The following COL23A1 variants were observed in gnomAD, a reference collection of about 807,000 sequenced individuals.
The protein encoded by COL23A1 is collagen alpha-1(XXIII) chain.
COL23A1 carries 97 observed loss-of-function variants against 99.3 expected under a neutral mutation model. The observed-to-expected ratio is 0.98, with a 90% confidence interval of 0.83 to 1.16. The LOEUF (loss-of-function observed/expected upper bound fraction) is 1.16, where lower values mean the gene tolerates loss of function less well. COL23A1 is among the 50% of genes most tolerant of loss of function. The pLI, the probability that COL23A1 is intolerant of heterozygous loss-of-function variation, is 0.00. For synonymous variants in COL23A1, 320 were observed against 308.2 expected, an observed-to-expected ratio of 1.04 and a Z score of -0.40; for missense variants, 762 against 757.4, an observed-to-expected ratio of 1.01 and a Z score of -0.07.
intron 3 of COL23A1, among the ~76,000 whole-genome samples, chr5:178,302,557 C>T (rs1758133453): frequency 6.6e-6 from 1 of 152,238 alleles, no homozygotes; most frequent in Admixed American, 6.5e-5. Flanking sequence ...CCTGCTTGAA[C>T]AATCTCAAGG....
In COL23A1 at chr5:178,387,610, G is replaced by A. The variant is rs1021658786; in HGVS notation, c.362-80691C>T. On this transcript the variant is annotated intron_variant, in intron 2 of 28. Transcript: ENST00000390654. This position sits in a 1 kb window ranked among gnomAD's most constrained non-coding sequence, Gnocchi z 4.7. ...GGGTTTGCCTGAGCCTCCCCTCCTG[G>A]ACCAATAACTTCTAGAGGCTCATGA... is the stretch of plus-strand genomic sequence containing the variant. Among the ~76,000 whole-genome samples the A allele has an allele frequency of 6.6e-6, 1 of 152,056 alleles. No homozygotes were observed. Among genetic ancestry groups the A allele is most frequent in the Non-Finnish European group, 1.5e-5 (1 of 68,020 alleles).
intron 1 of COL23A1, among the ~76,000 whole-genome samples, chr5:178,573,626 A>T (rs1457200549): frequency 6.6e-6 from 1 of 152,228 alleles, no homozygotes; most frequent in Non-Finnish European, 1.5e-5. Context: ...ATTATTTTTT[A>T]AAATTATTTT....
chr5:178,364,182 G>T (rs1561904494), intron 2 of COL23A1, among the ~76,000 whole-genome samples: 1 of 152,112 alleles, frequency 6.6e-6, no homozygotes, highest in Non-Finnish European at 1.5e-5. Flanking sequence ...TGGTTTCTGG[G>T]CCCCTCCCTG....
At chr5:178,414,891 C>T (rs1027370168) in intron 2 of COL23A1, among the ~76,000 whole-genome samples, 1 of 152,088 alleles carries the variant, frequency 6.6e-6, no homozygotes, top group African/African-American at 2.4e-5. Flanking sequence ...CCATCGAGCC[C>T]ACCTAGGTAG....
At chr5:178,507,514 G>C (rs1000318607) in intron 2 of COL23A1, among the ~76,000 whole-genome samples, 2 of 152,190 alleles carry the variant, frequency 1.3e-5, no homozygotes, top group Non-Finnish European at 2.9e-5. Context: ...CTAGCTCACA[G>C]CTCAAAAGGG....
At chr5:178,419,850 C>T (rs889339688) in intron 2 of COL23A1, among the ~76,000 whole-genome samples, 9 of 152,154 alleles carry the variant, frequency 5.9e-5, no homozygotes, top group Non-Finnish European at 1.0e-4. Context: ...GTTCAAACTG[C>T]GTTCAAATAA....
chr5:178,398,571 G>T (rs570823271), intron 2 of COL23A1, among the ~76,000 whole-genome samples: 1 of 152,304 alleles, frequency 6.6e-6, no homozygotes, highest in East Asian at 1.9e-4. Context: ...AGGCTGCAGT[G>T]AGCTGAGATT....
intron 2 of COL23A1, among the ~76,000 whole-genome samples, chr5:178,473,251 A>G (rs751294839): frequency 1.1e-4 from 16 of 152,182 alleles, no homozygotes; most frequent in Non-Finnish European, 1.8e-4. Flanking sequence ...CTAGAGACTT[A>G]AAGTATGAGG....
At chr5:178,531,038 TG>T (rs1265971366) in intron 2 of COL23A1, among the ~76,000 whole-genome samples, 2 of 152,182 alleles carry the variant, frequency 1.3e-5, no homozygotes, top group African/African-American at 4.8e-5. Flanking sequence ...TGGCTAATTT[TG>T]TATTTTTTAG....
At chr5:178,247,938 C>A (rs1275569156) in intron 20 of COL23A1, 107 bp from the exon 21 acceptor site, 42 of 1,012,760 alleles carry the variant, frequency 4.1e-5, no homozygotes, top group Non-Finnish European at 7.3e-6. Flanking sequence ...TCCTGCCCCC[C>A]AGAGGGCAGA....
rs563904384 is a variant in COL23A1 at position 178,531,017 on chromosome 5, G to A, written c.361+29665C>T. Among the ~76,000 whole-genome samples, 72 of 152,220 alleles carry A rather than the reference G, an allele frequency of 4.7e-4. No homozygotes were observed. The South Asian group carries it at 0.011, about 22-fold the overall frequency. On this transcript the variant is annotated intron_variant, in intron 2 of 28. Coordinates refer to ENST00000390654, the MANE Select transcript of COL23A1 (RefSeq NM_173465.4). ...CAAGTAGCTGGGATTACAGGCACGC[G>A]CCACCACGCCTGGCTAATTTTGTAT...
chr5:178,567,568 C>A (rs756061384), intron 1 of COL23A1, among the ~76,000 whole-genome samples: 4 of 152,086 alleles, frequency 2.6e-5, no homozygotes, highest in Non-Finnish European at 4.4e-5. Flanking sequence ...CATGGTGAAA[C>A]CCTGTCTCTA....
rs538792795 is a variant in COL23A1, at chr5:178,451,771, C to T, written c.361+108911G>A. 5.9e-5 allele frequency among the ~76,000 whole-genome samples: 9 copies of T among 151,616 alleles called. No homozygotes were observed. The South Asian group carries it at 1.9e-3, about 32-fold the overall frequency. ...CATCCTATTTCTTTCACAGTCTAGA[C>T]TATTTTATTCTAAAATACAAGATAC... On this transcript the variant is annotated intron_variant, in intron 2 of 28. Coordinates refer to ENST00000390654, the MANE Select transcript of COL23A1 (RefSeq NM_173465.4).
chr5:178,503,528 A>C (rs992990788), intron 2 of COL23A1, among the ~76,000 whole-genome samples: 3 of 152,132 alleles, frequency 2.0e-5, no homozygotes, highest in African/African-American at 7.2e-5. Flanking sequence ...TGTGTAAGAG[A>C]ATATTCCTGT....
intron 4 of COL23A1, 64 bp from the exon 5 acceptor site, chr5:178,288,414 A>G (rs1757273361): frequency 1.4e-6 from 2 of 1,406,306 alleles, no homozygotes; most frequent in African/African-American, 1.4e-5. Flanking sequence ...CAACACTTAG[A>G]GCTCAATCAG....
intron 2 of COL23A1, among the ~76,000 whole-genome samples, chr5:178,351,534 C>A (rs1761327409): frequency 6.6e-6 from 1 of 152,152 alleles, no homozygotes; most frequent in Admixed American, 6.5e-5. Context: ...GCCAGTGAGG[C>A]CGCACTCGGC....
chr5:178,239,861 T>C (rs111547335), intron 27 of COL23A1, among the ~76,000 whole-genome samples: 203 of 81,684 alleles, frequency 2.5e-3, no homozygotes, highest in African/African-American at 4.1e-3. Flanking sequence ...TGGCTTCCTG[T>C]CTGATGTGAC....
Position 178,428,814 on chromosome 5 carries a change from G to A in COL23A1, c.362-121895C>T, listed in dbSNP as rs1376606202. Among the ~76,000 whole-genome samples the A allele has an allele frequency of 6.6e-6, 1 of 152,186 alleles. No homozygotes were observed. Among genetic ancestry groups the A allele is most frequent in the Non-Finnish European group, 1.5e-5 (1 of 68,026 alleles). On this transcript the variant is annotated intron_variant, in intron 2 of 28. Coordinates refer to ENST00000390654, the MANE Select transcript of COL23A1 (RefSeq NM_173465.4). This position sits in a 1 kb window ranked among gnomAD's most constrained non-coding sequence, Gnocchi z 5.0. ...TAACTGCTCATCTGCCCAGATGGGG[G>A]CTGTGCAAGCAGGGTCTGCAAGCAA...
At chr5:178,357,756 G>A (rs1341073693) in intron 2 of COL23A1, among the ~76,000 whole-genome samples, 38 of 146,800 alleles carry the variant, frequency 2.6e-4, no homozygotes, top group Non-Finnish European at 2.7e-4. Context: ...GTATGTGTGT[G>A]TGTACGTGTA....
Sources: gnomAD v4.1 joint callset for allele counts (sites outside exome capture counted in the v4.1 genomes callset) on GRCh38, gnomAD v4.1.1 for gene constraint, Gnocchi (gnomAD v3.1) non-coding constraint, MANE v1.5 for transcripts, NCBI Gene and HGNC (gene_info 2026-07-23, HGNC 2026-07-21) for gene names.